The following SYNPR variants were observed in gnomAD, a reference collection of about 807,000 sequenced individuals.
The protein encoded by SYNPR is synaptoporin.
In SYNPR, 23 loss-of-function variants were observed where a neutral mutation model predicts 32.9. The observed-to-expected ratio is 0.70, with a 90% CI of 0.50 to 0.99. The LOEUF is 0.99. Ranked by LOEUF, SYNPR falls within the 50% of genes least tolerant of loss-of-function variation. The pLI is 0.00. For missense variants in SYNPR, 318 were observed against 349.3 expected (o/e 0.91, Z 0.71); for synonymous variants, 146 against 135.9 (o/e 1.07, Z -0.52).
At chr3:63,208,957 T>C in the SYNPR span, among the ~76,000 whole-genome samples, 1 of 152,332 alleles carries the variant, frequency 6.6e-6, no homozygotes, top group Admixed American at 6.5e-5. Context: ...GGTGACACTT[T>C]TATAGTATCC....
Position 63,329,249 on chromosome 3 carries a change from G to A in SYNPR, c.84+50507G>A, listed in dbSNP as rs1029143064. On this transcript the variant is annotated intron_variant, in intron 2 of 5. Coordinates refer to ENST00000478300, the MANE Select transcript of SYNPR (RefSeq NM_001130003.2). Reference sequence around the variant, plus strand: ...TTATTATGTATCAGTCACAAAGCTGGTCACTTAACCTACATTATAGTTTAA... The same window carrying A: ...TTATTATGTATCAGTCACAAAGCTGATCACTTAACCTACATTATAGTTTAA... 3.3e-5 allele frequency among the ~76,000 whole-genome samples: 5 copies of A among 152,030 alleles called. No individual in the cohort carries two copies. In the East Asian group the frequency reaches 9.6e-4, roughly 29 times the overall value.
At chr3:63,445,915 A>G (rs185528055) in intron 2 of SYNPR, among the ~76,000 whole-genome samples, 107 of 152,272 alleles carry the variant, frequency 7.0e-4, no homozygotes, top group Non-Finnish European at 1.2e-3. Context: ...CCTTCCTCTC[A>G]GACTATGTCT....
chr3:63,555,919 A>G (rs914747589), intron 3 of SYNPR, among the ~76,000 whole-genome samples: 9 of 152,214 alleles, frequency 5.9e-5, no homozygotes, highest in Admixed American at 5.2e-4. Context: ...TGTAATAGCA[A>G]ATGCCTAAAG....
chr3:63,573,573 T>G (rs1207666746), intron 4 of SYNPR, among the ~76,000 whole-genome samples: 1 of 152,170 alleles, frequency 6.6e-6, no homozygotes, highest in Non-Finnish European at 1.5e-5. Flanking sequence ...CATCATCACT[T>G]TCTACGTCCT....
upstream of SYNPR, among the ~76,000 whole-genome samples, chr3:63,227,206 T>C (rs2086134665): frequency 2.0e-5 from 3 of 152,222 alleles, no homozygotes; most frequent in Admixed American, 2.0e-4. Flanking sequence ...AGTGATTACA[T>C]ATGGATTGCT....
rs72624890 is a variant in SYNPR, at chr3:63,579,725, C to T, written c.408+22984C>T. ...GATTATCTGGCTAATTTTCCCAGTT[C>T]TCATTTAAAGTGAATAAGTAATTTC... On this transcript the variant is annotated intron_variant, in intron 4 of 5. Transcript: ENST00000478300. Among the ~76,000 whole-genome samples the T allele has an allele frequency of 5.8e-3, 887 of 151,818 alleles. 10 individuals carry two copies. Among genetic ancestry groups the T allele is most frequent in the East Asian group, 0.05 (259 of 5,154 alleles).
intron 3 of SYNPR, among the ~76,000 whole-genome samples, chr3:63,529,872 T>C (rs9874133): frequency 0.033 from 5,059 of 152,136 alleles, 275 homozygotes; most frequent in African/African-American, 0.11. Context: ...GCGAAAAGGA[T>C]ACAATATCTT....
At chr3:63,553,260 G>C (rs1427976401) in intron 3 of SYNPR, among the ~76,000 whole-genome samples, 1 of 152,160 alleles carries the variant, frequency 6.6e-6, no homozygotes, top group Non-Finnish European at 1.5e-5. Flanking sequence ...TACTGCAAAT[G>C]ACATAATTTC....
At chr3:63,608,615 T>A (rs1700156393) in intron 4 of SYNPR, among the ~76,000 whole-genome samples, 1 of 152,278 alleles carries the variant, frequency 6.6e-6, no homozygotes, top group Admixed American at 6.5e-5. Flanking sequence ...AATGAATGAA[T>A]GAGTGAACAT....
chr3:63,480,705 GGGCAAT>G (rs1701030258), intron 2 of SYNPR, 121 bp from the exon 3 acceptor site: 1 of 1,245,628 alleles, frequency 8.0e-7, no homozygotes, highest in African/African-American at 1.5e-5. Flanking sequence ...GCTGAACCAA[GGGCAAT>G]GCTCTTCTTC....
At chr3:63,318,387 T>G (rs560042987) in intron 2 of SYNPR, among the ~76,000 whole-genome samples, 141 of 152,074 alleles carry the variant, frequency 9.3e-4, no homozygotes, top group Admixed American at 1.6e-3. Context: ...TCAGGAACAC[T>G]GATAATTCTT....
At chr3:63,246,409 G>A (rs1411452276) in intron 1 of SYNPR, among the ~76,000 whole-genome samples, 3 of 152,068 alleles carry the variant, frequency 2.0e-5, no homozygotes, top group Non-Finnish European at 2.9e-5. Flanking sequence ...AGCACCTACT[G>A]TGTAGCAGGC....
At chr3:63,591,199 T>A (rs1239023709) in intron 4 of SYNPR, among the ~76,000 whole-genome samples, 1 of 145,152 alleles carries the variant, frequency 6.9e-6, no homozygotes, top group African/African-American at 2.6e-5. Flanking sequence ...AAAAAACACA[T>A]GAAAAAATGC....
In SYNPR at chr3:63,367,399, T is replaced by C. The variant is rs184053943; in HGVS notation, c.84+88657T>C. Among the ~76,000 whole-genome samples, 27 of 150,656 alleles carry C rather than the reference T, an allele frequency of 1.8e-4. No individual in the cohort carries two copies. In the East Asian group the frequency reaches 4.5e-3, roughly 25 times the overall value. ...ATTTTAGATAAGATCTGGCTCTATC[T>C]CCCAGGCTGGAGTGCAGTCCTGCGA... On this transcript the variant is annotated intron_variant, in intron 2 of 5. Transcript: ENST00000478300.
intron 1 of SYNPR, among the ~76,000 whole-genome samples, chr3:63,228,688 C>G (rs1019797513): frequency 6.6e-6 from 1 of 151,758 alleles, no homozygotes; most frequent in African/African-American, 2.4e-5. Flanking sequence ...TTTTAAAGAA[C>G]AAAGAAAGAG....
chr3:63,583,058 G>C (rs969470550), intron 4 of SYNPR, among the ~76,000 whole-genome samples: 1 of 152,120 alleles, frequency 6.6e-6, no homozygotes, highest in African/African-American at 2.4e-5. Context: ...GACTGGGGTA[G>C]GCAGTGGAAA....
chr3:63,541,648 C>T (rs1197926249), intron 3 of SYNPR, among the ~76,000 whole-genome samples: 1 of 152,082 alleles, frequency 6.6e-6, no homozygotes, highest in Non-Finnish European at 1.5e-5. Flanking sequence ...TATTTCCCTT[C>T]CCACTCACTC....
intron 2 of SYNPR, among the ~76,000 whole-genome samples, chr3:63,409,284 T>A (rs1301854875): frequency 1.3e-5 from 2 of 151,954 alleles, no homozygotes; most frequent in South Asian, 2.1e-4. Context: ...AAACATCGAT[T>A]TTTTTTTGTT....
At chr3:63,348,292 T>C (rs1295629547) in intron 2 of SYNPR, among the ~76,000 whole-genome samples, 1 of 152,196 alleles carries the variant, frequency 6.6e-6, no homozygotes, top group Non-Finnish European at 1.5e-5. Flanking sequence ...ATGTTGAGCA[T>C]TTTTTCATAT....
Sources: allele counts gnomAD v4.1 joint callset (sites outside exome capture counted in the v4.1 genomes callset), GRCh38; gene constraint gnomAD v4.1.1; transcripts MANE v1.5; gene names NCBI Gene and HGNC (gene_info 2026-07-23, HGNC 2026-07-21).